Variants in GRIK4 observed in about 807,000 individuals in gnomAD.
GRIK4 encodes glutamate receptor ionotropic, kainate 4.
In GRIK4, 40 loss-of-function variants were observed where a neutral mutation model predicts 104.9. The observed-to-expected ratio is 0.38, with a 90% CI of 0.30 to 0.50. The LOEUF is 0.50. Ranked by LOEUF, GRIK4 falls within the 20% of genes least tolerant of loss-of-function variation. The pLI is 0.93. For synonymous variants in GRIK4, 485 were observed against 524.9 expected (o/e 0.92, Z 1.04); for missense variants, 1,047 against 1,308.1 (o/e 0.80, Z 3.08).
chr11:120,578,810 C>T (rs145658123), intron 1 of GRIK4, among the ~76,000 whole-genome samples: 1 of 152,318 alleles, frequency 6.6e-6, no homozygotes, highest in Non-Finnish European at 1.5e-5. Context: ...CTATGTCGTC[C>T]CGCTTCCTCA....
chr11:120,597,219 G>C (rs1591724392), intron 1 of GRIK4, among the ~76,000 whole-genome samples: 1 of 152,202 alleles, frequency 6.6e-6, no homozygotes, highest in African/African-American at 2.4e-5. Context: ...ACCTTGCGGG[G>C]CCGCTCCCTC....
chr11:120,982,541 C>A (rs553336295), intron 20 of GRIK4, among the ~76,000 whole-genome samples: 1 of 152,106 alleles, frequency 6.6e-6, no homozygotes, highest in South Asian at 2.1e-4. Flanking sequence ...AGAGATATCC[C>A]GACTCATGCG....
At chr11:120,517,401 T>C (rs1829328772) in intron 1 of GRIK4, among the ~76,000 whole-genome samples, 1 of 148,706 alleles carries the variant, frequency 6.7e-6, no homozygotes, top group African/African-American at 2.5e-5. Context: ...GTGTCCAGCC[T>C]CTTGGTGCCC....
chr11:120,976,463 G>A (rs1043920072), intron 19 of GRIK4, among the ~76,000 whole-genome samples: 12 of 152,158 alleles, frequency 7.9e-5, no homozygotes, highest in East Asian at 1.9e-4. Context: ...AGTTTATATC[G>A]GGGCACATAA....
intron 3 of GRIK4, among the ~76,000 whole-genome samples, chr11:120,672,337 A>T (rs2135268460): frequency 6.6e-6 from 1 of 152,260 alleles, no homozygotes; most frequent in South Asian, 2.1e-4. Context: ...AATCACTTGA[A>T]ACTGGAAGGC....
chr11:120,841,320 A>G (rs1462675968), intron 8 of GRIK4, among the ~76,000 whole-genome samples: 1 of 152,122 alleles, frequency 6.6e-6, no homozygotes, highest in Non-Finnish European at 1.5e-5. Context: ...TTCTCTCTGT[A>G]TGGATATGAC....
chr11:120,713,916 TGAGA>T (rs1422892586), intron 3 of GRIK4, among the ~76,000 whole-genome samples: 1 of 152,172 alleles, frequency 6.6e-6, no homozygotes, highest in Non-Finnish European at 1.5e-5. Flanking sequence ...AAAGTCCCAT[TGAGA>T]GTCATGAATA....
chr11:120,898,212 T>C (rs1353321899), intron 11 of GRIK4, among the ~76,000 whole-genome samples: 1 of 152,238 alleles, frequency 6.6e-6, no homozygotes, highest in East Asian at 1.9e-4. Flanking sequence ...CTCAAAATAA[T>C]GTGATTCCAC....
chr11:120,960,776 C>A lies in GRIK4; in HGVS notation c.1875-133C>A, dbSNP rs1944270588. 6.3e-6 allele frequency: 4 copies of A among 631,654 alleles called. No individual in the cohort carries two copies. The South Asian group carries it at 8.6e-5, about 14-fold the overall frequency. 39.1% of individuals were successfully genotyped at this position (631,654 alleles called of 1,614,324 possible). A position where few individuals can be genotyped will look rare whatever the true frequency, so the allele number is the denominator to read the frequency against. On this transcript the variant is annotated intron_variant, in intron 16 of 20. Transcript: ENST00000527524. The stretch of plus-strand genomic sequence containing the variant: ...TCATATGCCCTGCCTCCTTTCTCTT[C>A]CCCCACTAAGCTGAAAGCTCTTTCA...
chr11:120,646,324 T>A (rs959128787), intron 1 of GRIK4, among the ~76,000 whole-genome samples: 1 of 152,190 alleles, frequency 6.6e-6, no homozygotes, highest in Middle Eastern at 3.2e-3. Context: ...AACTGAGGTT[T>A]TGAGAGGTTA....
intron 1 of GRIK4, among the ~76,000 whole-genome samples, chr11:120,614,129 C>T (rs1949074182): frequency 6.6e-6 from 1 of 152,204 alleles, no homozygotes; most frequent in Non-Finnish European, 1.5e-5. Context: ...GCCCTCAGTG[C>T]AGTGCCTGGC....
rs139869968 is a variant in GRIK4 at position 120,843,544 on chromosome 11, A to G, written c.744+6700A>G. On this transcript the variant is annotated intron_variant, in intron 8 of 20. Coordinates refer to ENST00000527524, the MANE Select transcript of GRIK4 (RefSeq NM_014619.5). ...ATCAATAGTTGATATTTACGTGAGT[A>G]AGTGCTAATAAGTGCTTCACAGTTT... Among the ~76,000 whole-genome samples the G allele has an allele frequency of 1.3e-3, 205 of 152,342 alleles. No homozygotes were observed. The Middle Eastern group carries it at 0.014, about 10-fold the overall frequency.
intron 13 of GRIK4, among the ~76,000 whole-genome samples, chr11:120,934,322 G>C (rs1378049980): frequency 6.6e-6 from 1 of 152,066 alleles, no homozygotes; most frequent in Non-Finnish European, 1.5e-5. Context: ...AGAAGGGAGG[G>C]AGATGAGAAG....
At chr11:120,691,178 T>C (rs967152148) in intron 3 of GRIK4, among the ~76,000 whole-genome samples, 5 of 152,344 alleles carry the variant, frequency 3.3e-5, no homozygotes, top group Middle Eastern at 3.4e-3. Context: ...CGGCATCTAC[T>C]GTTTTCAATT....
At chr11:120,976,534 A>C (rs878923403) in intron 19 of GRIK4, among the ~76,000 whole-genome samples, 5 of 152,204 alleles carry the variant, frequency 3.3e-5, no homozygotes, top group South Asian at 2.1e-4. Flanking sequence ...TTGCATGGCT[A>C]TAGGTGAATA....
chr11:120,892,094 T>A (rs1955317894), intron 11 of GRIK4, among the ~76,000 whole-genome samples: 2 of 151,942 alleles, frequency 1.3e-5, no homozygotes, highest in South Asian at 4.2e-4. Flanking sequence ...TGAAAGGGGC[T>A]GGGGGGCAGG....
At chr11:120,710,128 A>G (rs1950701117) in intron 3 of GRIK4, among the ~76,000 whole-genome samples, 1 of 152,222 alleles carries the variant, frequency 6.6e-6, no homozygotes, top group Admixed American at 6.5e-5. Flanking sequence ...ACACCACGTC[A>G]GATCTTAAGT....
chr11:120,905,644 G>T lies in GRIK4; in HGVS notation c.1476+151G>T, dbSNP rs530161944. ...TTTGTCCACTCATTCTATAAATCTT[G>T]CCTGGACTGGCACAGACGTGCGGTG... On this transcript the variant is annotated intron_variant, in intron 13 of 20. Transcript: ENST00000527524. The surrounding 1 kb of genome is among the most constrained non-coding windows in gnomAD (Gnocchi z 5.1). The T allele has an allele frequency of 6.9e-4, 465 of 671,852 alleles. 6 individuals are homozygous for T. The highest frequency in any genetic ancestry group is 1.3e-4 in the Non-Finnish European group (48 of 379,994). 41.6% of individuals were successfully genotyped at this position (671,852 alleles called of 1,614,324 possible).
At chr11:120,677,055 C>T (rs545350609) in intron 3 of GRIK4, among the ~76,000 whole-genome samples, 3 of 152,270 alleles carry the variant, frequency 2.0e-5, no homozygotes, top group South Asian at 4.1e-4. Flanking sequence ...CCCAGAGCAC[C>T]GAAGCTGATG....
Sources: gnomAD v4.1 joint callset for allele counts (sites outside exome capture counted in the v4.1 genomes callset) on GRCh38, gnomAD v4.1.1 for gene constraint, Gnocchi (gnomAD v3.1) non-coding constraint, MANE v1.5 for transcripts, NCBI Gene and HGNC (gene_info 2026-07-23, HGNC 2026-07-21) for gene names.